VAV1: variants seen among roughly 807,000 people sequenced by gnomAD.
VAV1 encodes proto-oncogene vav.
In VAV1, 33 loss-of-function variants were observed where a neutral mutation model predicts 128.1. The observed-to-expected ratio is 0.26, with a 90% confidence interval of 0.20 to 0.34. VAV1 has a LOEUF of 0.34. VAV1 is among the 10% of genes least tolerant of loss of function. The pLI, the probability that VAV1 is intolerant of heterozygous loss-of-function variation, is 1.00. For synonymous variants in VAV1, 394 were observed against 409.8 expected, an observed-to-expected ratio of 0.96 and a Z score of 0.47; for missense variants, 715 against 1,093.7, an observed-to-expected ratio of 0.65 and a Z score of 4.88.
chr19:6,851,813 A>G (rs1306665447), intron 24 of VAV1, among the ~76,000 whole-genome samples: 1 of 152,180 alleles, frequency 6.6e-6, no homozygotes, highest in Non-Finnish European at 1.5e-5. Flanking sequence ...TGTTGCATGC[A>G]TCTGTATTTT....
At chr19:6,794,099 A>G (rs1007480037) in intron 1 of VAV1, among the ~76,000 whole-genome samples, 2 of 151,862 alleles carry the variant, frequency 1.3e-5, no homozygotes, top group Non-Finnish European at 2.9e-5. Flanking sequence ...AACCAACGGT[A>G]AATGATTTAT....
At chr19:6,849,688 G>A (rs1435129641) in intron 23 of VAV1, among the ~76,000 whole-genome samples, 3 of 152,074 alleles carry the variant, frequency 2.0e-5, no homozygotes, top group Non-Finnish European at 4.4e-5. Flanking sequence ...TGTGGTGTTT[G>A]GCTTACTGTT....
chr19:6,836,456 A>G lies in VAV1; in HGVS notation c.1802A>G (p.Gln601Arg). Residue 601 changes from glutamine (Q) to arginine (R), a missense_variant, in exon 20 of 27, where the codon CAG (glutamine) becomes CGG (arginine). Physicochemically the swap from Gln to Arg is conservative, Grantham distance 43 (BLOSUM62 1). Around this residue, in one of 3 missense-constraint regions of VAV1, gnomAD observed 407 missense variants for 580.6 expected, o/e 0.70. Coordinates refer to ENST00000602142, the MANE Select transcript of VAV1 (RefSeq NM_005428.4). Reference protein sequence around the residue: ...ELGLPKMEVFQEYYGLPPPPG... With the variant: ...ELGLPKMEVFREYYGLPPPPG... The stretch of plus-strand genomic sequence containing the variant: ...GGTCTGCCCAAGATGGAGGTGTTTC[A>G]GGAATACTACGGGCTTCCTCCACCC... The G allele has an allele frequency of 6.2e-7, 1 of 1,614,094 alleles. No individual in the cohort carries two copies. The highest frequency in any genetic ancestry group is 1.3e-5 in the African/African-American group (1 of 75,026).
intron 1 of VAV1, among the ~76,000 whole-genome samples, chr19:6,814,002 G>A (rs1208214153): frequency 1.3e-5 from 2 of 152,260 alleles, no homozygotes; most frequent in Admixed American, 6.5e-5. Flanking sequence ...CAAGGTTACA[G>A]TGAACTATGA....
intron 1 of VAV1, among the ~76,000 whole-genome samples, chr19:6,811,787 C>T (rs1971518034): frequency 6.6e-6 from 1 of 152,166 alleles, no homozygotes; most frequent in Non-Finnish European, 1.5e-5. Flanking sequence ...TAGGATAACA[C>T]CAGCTACTGT....
chr19:6,847,059 G>T (rs906533408), intron 22 of VAV1, among the ~76,000 whole-genome samples: 7 of 151,570 alleles, frequency 4.6e-5, no homozygotes, highest in Admixed American at 2.0e-4. Context: ...GATTACAGGC[G>T]CCCGCCATCA....
intron 21 of VAV1, among the ~76,000 whole-genome samples, chr19:6,838,136 C>CT (rs1197911424): frequency 4.9e-5 from 4 of 81,688 alleles, no homozygotes; most frequent in East Asian, 3.9e-4. Flanking sequence ...TCTATCTATC[C>CT]ATGCATCCAT....
chr19:6,839,303 A>G (rs1972311465), intron 21 of VAV1, among the ~76,000 whole-genome samples: 1 of 151,808 alleles, frequency 6.6e-6, no homozygotes, highest in African/African-American at 2.4e-5. Flanking sequence ...ATCCTCTCAT[A>G]GAACATCCTT....
intron 1 of VAV1, among the ~76,000 whole-genome samples, chr19:6,799,866 A>G: frequency 1.3e-5 from 2 of 149,586 alleles, no homozygotes; most frequent in African/African-American, 4.9e-5. Context: ...AAAAAAAAAA[A>G]GGAAAGAAAA....
intron 21 of VAV1, among the ~76,000 whole-genome samples, chr19:6,840,507 G>C (rs1972347075): frequency 6.6e-6 from 1 of 150,576 alleles, no homozygotes; most frequent in South Asian, 2.1e-4. Flanking sequence ...CACCGTGTTA[G>C]CCAGGATGGT....
chr19:6,844,418 T>C (rs954120085), intron 22 of VAV1, among the ~76,000 whole-genome samples: 2 of 152,098 alleles, frequency 1.3e-5, no homozygotes, highest in Non-Finnish European at 2.9e-5. Context: ...AGTTTCACCA[T>C]GTTGGCCAGG....
chr19:6,826,491 T>C lies in VAV1; in HGVS notation c.828-121T>C, dbSNP rs979165819. On this transcript the variant is annotated intron_variant, in intron 8 of 26. Coordinates refer to ENST00000602142, the MANE Select transcript of VAV1 (RefSeq NM_005428.4). The surrounding 1 kb of genome is among the most constrained non-coding windows in gnomAD (Gnocchi z 4.1). Reference sequence around the variant, plus strand: ...GCTATTGTTATGCCCATTTCACAGATGGAGAAACTGGGACTCAGGTTTCTT... The same window carrying C: ...GCTATTGTTATGCCCATTTCACAGACGGAGAAACTGGGACTCAGGTTTCTT... The C allele has an allele frequency of 8.7e-6, 6 of 691,408 alleles. No homozygotes were observed. The highest frequency in any genetic ancestry group is 1.0e-5 in the Non-Finnish European group (4 of 388,164). The allele number at this position is 691,408 out of a possible 1,614,324, so 42.8% of individuals were successfully genotyped here.
chr19:6,819,981 G>A (rs1971747106), intron 1 of VAV1, among the ~76,000 whole-genome samples: 1 of 152,126 alleles, frequency 6.6e-6, no homozygotes, highest in Admixed American at 6.5e-5. Flanking sequence ...CAAATCTAAA[G>A]TAACTTAAAC....
At position 6,805,544 on chromosome 19, in the gene VAV1, C is replaced by A. The variant is rs181724687; in HGVS notation, c.205-15158C>A. 3.7e-3 allele frequency among the ~76,000 whole-genome samples: 552 copies of A among 147,586 alleles called. 1 individual carries two copies. The highest frequency in any genetic ancestry group is 6.4e-3 in the Non-Finnish European group (426 of 67,070). ...ATCACTTGAGCCCAGGGGTTCGAGACCAGCCTGGGCAACATAGTGAGACCC... is the reference window on the plus strand; with the variant it reads ...ATCACTTGAGCCCAGGGGTTCGAGAACAGCCTGGGCAACATAGTGAGACCC... On this transcript the variant is annotated intron_variant, in intron 1 of 26. Coordinates refer to ENST00000602142, the MANE Select transcript of VAV1 (RefSeq NM_005428.4).
At chr19:6,830,551 T>G (rs999072437) in intron 14 of VAV1, among the ~76,000 whole-genome samples, 2 of 151,840 alleles carry the variant, frequency 1.3e-5, no homozygotes, top group African/African-American at 4.8e-5. Flanking sequence ...GCAATTCTCC[T>G]GCCTCAGCCT....
chr19:6,844,674 A>G (rs1006395085), intron 22 of VAV1, among the ~76,000 whole-genome samples: 1 of 152,108 alleles, frequency 6.6e-6, no homozygotes, highest in African/African-American at 2.4e-5. Context: ...CGTAAGAGGC[A>G]GGGTCAGGAT....
intron 1 of VAV1, among the ~76,000 whole-genome samples, chr19:6,791,249 C>T (rs58826700): frequency 1.3e-5 from 2 of 151,990 alleles, no homozygotes; most frequent in East Asian, 1.9e-4. Flanking sequence ...CTCCTCATCT[C>T]GAGGTCCTCA....
intron 1 of VAV1, among the ~76,000 whole-genome samples, chr19:6,818,671 G>A (rs1008558329): frequency 5.3e-5 from 8 of 152,298 alleles, no homozygotes; most frequent in African/African-American, 1.9e-4. Context: ...GAGGTCATCT[G>A]TGTGGGCCCT....
intron 6 of VAV1, 129 bp from the exon 7 acceptor site, chr19:6,824,924 G>T (rs763007656): frequency 1.0e-6 from 1 of 982,598 alleles, no homozygotes; most frequent in Non-Finnish European, 1.6e-6. Context: ...GAACATTCTT[G>T]TACAAGTTTT....
Sources: gnomAD v4.1 joint callset for allele counts (sites outside exome capture counted in the v4.1 genomes callset) on GRCh38, gnomAD v4.1.1 for gene constraint, gnomAD v4.1.1 regional missense constraint, Gnocchi (gnomAD v3.1) non-coding constraint, MANE v1.5 for transcripts, NCBI Gene and HGNC (gene_info 2026-07-23, HGNC 2026-07-21) for gene names.